B4GALT1: variants seen among roughly 807,000 people sequenced by gnomAD.
B4GALT1 encodes the protein beta-1,4-galactosyltransferase 1.
In B4GALT1, 16 loss-of-function variants were observed where a neutral mutation model predicts 34.9. The ratio of observed to expected loss-of-function variants is 0.46; its 90% CI spans 0.31 to 0.70. The LOEUF (loss-of-function observed/expected upper bound fraction) is 0.70. Ranked by LOEUF, B4GALT1 falls within the 30% of genes least tolerant of loss-of-function variation. The pLI is 0.05. For missense variants in B4GALT1, 445 were observed against 530.5 expected (o/e 0.84, Z 1.58); for synonymous variants, 221 against 218.1 (o/e 1.01, Z -0.12).
At chr9:33,133,247 C>G (rs530792186) in intron 2 of B4GALT1, among the ~76,000 whole-genome samples, 19 of 152,340 alleles carry the variant, frequency 1.2e-4, no homozygotes, top group African/African-American at 4.3e-4. Context: ...CAGACCACAG[C>G]TGTCTGTCTT....
At chr9:33,140,491 A>G (rs1462607466) in intron 1 of B4GALT1, among the ~76,000 whole-genome samples, 2 of 128,760 alleles carry the variant, frequency 1.6e-5, no homozygotes, top group Non-Finnish European at 3.3e-5. Flanking sequence ...TTTAAAATTT[A>G]ATTTAAAAAA....
intron 1 of B4GALT1, among the ~76,000 whole-genome samples, chr9:33,166,439 C>T (rs1840754809): frequency 6.6e-6 from 1 of 152,196 alleles, no homozygotes; most frequent in Non-Finnish European, 1.5e-5. Flanking sequence ...CCTAAGCAGA[C>T]CCAAACTCCA....
At chr9:33,135,986 G>A (rs1298682206) in intron 1 of B4GALT1, among the ~76,000 whole-genome samples, 4 of 151,634 alleles carry the variant, frequency 2.6e-5, no homozygotes, top group Middle Eastern at 3.4e-3. Flanking sequence ...CTTCGAAGTG[G>A]AAGGTAGCAG....
chr9:33,147,748 C>A (rs1487392571), intron 1 of B4GALT1, among the ~76,000 whole-genome samples: 1 of 152,084 alleles, frequency 6.6e-6, no homozygotes, highest in Non-Finnish European at 1.5e-5. Context: ...TATGTTGCAA[C>A]AAAATACAGC....
chr9:33,174,252 C>T, the B4GALT1 span: 1 of 153,120 alleles, frequency 6.5e-6, no homozygotes, highest in Non-Finnish European at 1.5e-5. Flanking sequence ...AACACACCCA[C>T]CTCAACTAGA....
chr9:33,104,542 C>T (rs1013217), exon 3 of B4GALT1: 106,346 of 341,446 alleles, frequency 0.31, 17,470 homozygotes, highest in East Asian at 0.48. Context: ...GCATTTGTCT[C>T]GAGAACAGGT....
rs866883203 is a variant in B4GALT1, at chr9:33,125,659, C to T, written c.649-5053G>A. On this transcript the variant is annotated intron_variant, in intron 2 of 5. Transcript: ENST00000379731. ...GCAAGCAGCCTTTGTAGGGGCGGGGCGAGAGGTTCAGGACAGGTGCTAGAA... is the reference window on the plus strand; with the variant it reads ...GCAAGCAGCCTTTGTAGGGGCGGGGTGAGAGGTTCAGGACAGGTGCTAGAA... Among the ~76,000 whole-genome samples, 781 of 151,962 alleles carry T rather than the reference C, an allele frequency of 5.1e-3. 8 individuals carry two copies. The highest frequency in any genetic ancestry group is 7.3e-3 in the Non-Finnish European group (493 of 67,916).
downstream of B4GALT1, among the ~76,000 whole-genome samples, chr9:33,108,107 TGTC>T (rs1839814686): frequency 6.6e-6 from 1 of 152,210 alleles, no homozygotes; most frequent in Non-Finnish European, 1.5e-5. Context: ...GCGTAACACT[TGTC>T]GTGCTTATTA....
intron 1 of B4GALT1, among the ~76,000 whole-genome samples, chr9:33,146,981 G>A (rs543959873): frequency 2.0e-5 from 3 of 151,132 alleles, no homozygotes; most frequent in Admixed American, 6.6e-5. Flanking sequence ...GATTACAGGC[G>A]AGAGCCACCA....
At chr9:33,169,613 C>T (rs185735323), upstream of B4GALT1, among the ~76,000 whole-genome samples, 1,551 of 151,704 alleles carry the variant, frequency 0.01, 8 homozygotes, top group Non-Finnish European at 0.018. Flanking sequence ...CTCTGCCTCC[C>T]GGGTTCAAGC....
chr9:33,168,909 A>G (rs1276699363), upstream of B4GALT1, among the ~76,000 whole-genome samples: 1 of 152,186 alleles, frequency 6.6e-6, no homozygotes, highest in Non-Finnish European at 1.5e-5. Context: ...TACCTCCCTC[A>G]GAGAGTGATA....
At chr9:33,167,369 G>T (rs988559327), upstream of B4GALT1, 4 of 597,478 alleles carry the variant, frequency 6.7e-6, no homozygotes, top group African/African-American at 7.8e-5. Flanking sequence ...CGGCGGAGAG[G>T]GGAGGGGCGG....
In B4GALT1 at chr9:33,166,941, G is replaced by C. The variant is rs372516039; in HGVS notation, c.229C>G (p.Leu77Val). ...GGCGGCCGGGCCCCTCCGGTCCGGAGCTCCCCGGAGGACTGCCCGATGGCG... is the reference window on the plus strand; with the variant it reads ...GGCGGCCGGGCCCCTCCGGTCCGGACCTCCCCGGAGGACTGCCCGATGGCG... ...AAAIGQSSGE[L>V]RTGGARPPPP... The change falls in exon 1 of 6, where the codon CTC (leucine) becomes GTC (valine). Residue 77 changes from leucine to valine, a missense_variant. By Grantham distance (32) the Leu-to-Val change is conservative. Transcript: ENST00000379731. The C allele has an allele frequency of 6.4e-7, 1 of 1,572,352 alleles. No individual in the cohort carries two copies. The highest frequency in any genetic ancestry group is 1.8e-5 in the Admixed American group (1 of 54,134).
At chr9:33,133,375 A>G (rs1378557344) in intron 2 of B4GALT1, among the ~76,000 whole-genome samples, 1 of 152,182 alleles carries the variant, frequency 6.6e-6, no homozygotes, top group African/African-American at 2.4e-5. Context: ...GAGAAACGAG[A>G]TGCAGCTGGC....
the B4GALT1 span, chr9:33,174,347 C>T: frequency 1.3e-5 from 2 of 152,212 alleles, no homozygotes; most frequent in Admixed American, 6.5e-5. Flanking sequence ...AAAGTGGATC[C>T]TCCTATTATA....
chr9:33,105,161 T>G (rs1839786566), intron 2 of B4GALT1, among the ~76,000 whole-genome samples: 1 of 149,316 alleles, frequency 6.7e-6, no homozygotes, highest in Non-Finnish European at 1.5e-5. Flanking sequence ...TATTTTGAGA[T>G]GGAGTTTCAC....
At chr9:33,126,617 C>A (rs1587733122) in intron 2 of B4GALT1, among the ~76,000 whole-genome samples, 2 of 152,228 alleles carry the variant, frequency 1.3e-5, no homozygotes, top group African/African-American at 4.8e-5. Context: ...TATTGTTAAC[C>A]ATAGTTAACC....
At chr9:33,119,695 G>A (rs1308745012) in intron 3 of B4GALT1, among the ~76,000 whole-genome samples, 1 of 152,204 alleles carries the variant, frequency 6.6e-6, no homozygotes, top group Non-Finnish European at 1.5e-5. Context: ...CAGCCTGGGT[G>A]ACAGAGCAAG....
At chr9:33,132,499 A>G (rs1224396901) in intron 2 of B4GALT1, among the ~76,000 whole-genome samples, 1 of 152,186 alleles carries the variant, frequency 6.6e-6, no homozygotes, top group African/African-American at 2.4e-5. Context: ...ATTTCGCTCC[A>G]TTTGGGGAAG....
Sources: allele counts gnomAD v4.1 joint callset (sites outside exome capture counted in the v4.1 genomes callset), GRCh38; gene constraint gnomAD v4.1.1; transcripts MANE v1.5; gene names NCBI Gene and HGNC (gene_info 2026-07-23, HGNC 2026-07-21).